Variants in PCDH9 observed in about 807,000 individuals in gnomAD.
PCDH9 encodes protocadherin 9.
In PCDH9, 24 loss-of-function variants were observed where a neutral mutation model predicts 70.6. That is an observed-to-expected ratio of 0.34 (90% confidence interval 0.25 to 0.48). PCDH9 has a LOEUF of 0.48. PCDH9 is among the 20% of genes least tolerant of loss of function. The pLI, the probability that PCDH9 is intolerant of heterozygous loss-of-function variation, is 0.99. For synonymous variants in PCDH9, 562 were observed against 558.5 expected (o/e 1.01, Z -0.09); for missense variants, 1,281 against 1,503.6 (o/e 0.85, Z 2.45).
chr13:67,180,385 C>T (rs1407663926), intron 2 of PCDH9, among the ~76,000 whole-genome samples: 1 of 151,826 alleles, frequency 6.6e-6, no homozygotes, highest in Admixed American at 6.6e-5. Context: ...TGAGTCAAAG[C>T]TTTTATTATC....
rs74093409 is a variant in PCDH9 at position 67,173,627 on chromosome 13, C to T, written c.3036+51778G>A. On this transcript the variant is annotated intron_variant, in intron 2 of 4. Transcript: ENST00000377865. Reference sequence around the variant, plus strand: ...GCCTCTGGTATACACTTCAGTTCGACAGAGAAAAATTTTAACTACACTTGA... The same window carrying T: ...GCCTCTGGTATACACTTCAGTTCGATAGAGAAAAATTTTAACTACACTTGA... Among the ~76,000 whole-genome samples, 1,028 of 152,136 alleles carry T rather than the reference C, an allele frequency of 6.8e-3. 13 individuals carry two copies. The highest frequency in any genetic ancestry group is 0.023 in the African/African-American group (968 of 41,506).
At chr13:66,826,075 G>A (rs2080819263) in intron 3 of PCDH9, among the ~76,000 whole-genome samples, 1 of 152,014 alleles carries the variant, frequency 6.6e-6, no homozygotes, top group African/African-American at 2.4e-5. Context: ...ACTACCCAAA[G>A]AATGAATATA....
In PCDH9 at chr13:66,771,782, T is replaced by C. The variant is rs9529138; in HGVS notation, c.3138+131722A>G. Among the ~76,000 whole-genome samples the C allele has an allele frequency of 4.6e-5, 7 of 152,262 alleles. No individual in the cohort carries two copies. The East Asian group carries it at 1.4e-3, about 29-fold the overall frequency. ...CAATTCTCAGTTTTCCAATTATAAA[T>C]GAGACTTATAAAATTTTCCCCATGG... is the stretch of plus-strand genomic sequence containing the variant. On this transcript the variant is annotated intron_variant, in intron 3 of 4. Transcript: ENST00000377865.
intron 4 of PCDH9, among the ~76,000 whole-genome samples, chr13:66,591,746 C>G (rs191786358): frequency 4.6e-5 from 7 of 151,100 alleles, no homozygotes; most frequent in African/African-American, 1.7e-4. Context: ...ATTTAAAATA[C>G]TGAAATAGTA....
At chr13:66,355,852 A>C (rs1444250396) in intron 4 of PCDH9, among the ~76,000 whole-genome samples, 3 of 152,152 alleles carry the variant, frequency 2.0e-5, no homozygotes, top group African/African-American at 7.2e-5. Context: ...GAAAAGAACA[A>C]GAATTGACAA....
At chr13:66,445,495 CATATATA>C (rs1566330735) in intron 4 of PCDH9, among the ~76,000 whole-genome samples, 3 of 140,812 alleles carry the variant, frequency 2.1e-5, no homozygotes, top group African/African-American at 8.0e-5. Context: ...AATATATACA[CATATATA>C]ATATATACAC....
intron 4 of PCDH9, among the ~76,000 whole-genome samples, chr13:66,451,734 A>T (rs1192708290): frequency 1.3e-5 from 2 of 152,226 alleles, no homozygotes; most frequent in African/African-American, 4.8e-5. Context: ...CTATCTAGCT[A>T]TCTGGCAAAG....
At chr13:66,996,782 T>A (rs1331612791) in intron 2 of PCDH9, among the ~76,000 whole-genome samples, 1 of 152,210 alleles carries the variant, frequency 6.6e-6, no homozygotes, top group African/African-American at 2.4e-5. Flanking sequence ...TCTGGTTTCT[T>A]GCAGAATCGT....
At chr13:66,923,635 T>G (rs1026933165) in intron 2 of PCDH9, among the ~76,000 whole-genome samples, 3 of 151,676 alleles carry the variant, frequency 2.0e-5, no homozygotes, top group Admixed American at 6.6e-5. Context: ...CACCAACGTC[T>G]TAATTTTAAT....
intron 3 of PCDH9, among the ~76,000 whole-genome samples, chr13:66,844,411 C>A (rs7982600): frequency 6.6e-6 from 1 of 151,768 alleles, no homozygotes; most frequent in Non-Finnish European, 1.5e-5. Flanking sequence ...ATGGTGAAAT[C>A]CTGTCTCTAC....
chr13:67,023,247 C>T (rs955034773), intron 2 of PCDH9, among the ~76,000 whole-genome samples: 1 of 151,600 alleles, frequency 6.6e-6, no homozygotes, highest in East Asian at 1.9e-4. Flanking sequence ...AAATGATCAA[C>T]ACCTGTTCCA....
intron 2 of PCDH9, 91 bp downstream of exon 2, chr13:67,225,314 A>T: frequency 7.1e-7 from 1 of 1,412,478 alleles, no homozygotes; most frequent in Non-Finnish European, 9.8e-7. Flanking sequence ...AGCTAAAGTT[A>T]GACCAAAACA....
At chr13:67,143,220 T>C (rs571231675) in intron 2 of PCDH9, among the ~76,000 whole-genome samples, 1 of 152,298 alleles carries the variant, frequency 6.6e-6, no homozygotes, top group African/African-American at 2.4e-5. Context: ...TGGTGATTAT[T>C]GTTTTAATAA....
At chr13:66,687,703 C>T (rs1296251403) in intron 3 of PCDH9, among the ~76,000 whole-genome samples, 1 of 152,062 alleles carries the variant, frequency 6.6e-6, no homozygotes, top group Non-Finnish European at 1.5e-5. Flanking sequence ...ATTTTTACCC[C>T]TTACTCCCTA....
chr13:66,927,909 T>C (rs943310729), intron 2 of PCDH9, among the ~76,000 whole-genome samples: 5 of 152,090 alleles, frequency 3.3e-5, no homozygotes, highest in African/African-American at 7.2e-5. Flanking sequence ...ACCTACTGAA[T>C]ACACATTTGT....
intron 3 of PCDH9, among the ~76,000 whole-genome samples, chr13:66,731,525 TTATC>T (rs1423167707): frequency 6.6e-6 from 1 of 152,062 alleles, no homozygotes; most frequent in Non-Finnish European, 1.5e-5. Flanking sequence ...AAAATGAAAA[TTATC>T]TATATGGTAT....
intron 3 of PCDH9, among the ~76,000 whole-genome samples, chr13:66,756,194 T>C (rs2079535941): frequency 6.6e-6 from 1 of 152,178 alleles, no homozygotes; most frequent in Non-Finnish European, 1.5e-5. Context: ...AAAAAGCTTT[T>C]AAATTCAGAA....
chr13:66,340,586 C>G (rs756172526), intron 4 of PCDH9, among the ~76,000 whole-genome samples: 1 of 152,154 alleles, frequency 6.6e-6, no homozygotes, highest in Non-Finnish European at 1.5e-5. Context: ...CAAATATGTG[C>G]CACTTCACAC....
rs561026848 is a variant in PCDH9, at chr13:66,312,784, C to T, written c.3341-7756G>A. On this transcript the variant is annotated intron_variant, in intron 4 of 4. Coordinates refer to ENST00000377865, the MANE Select transcript of PCDH9 (RefSeq NM_203487.3). ...AGTAACCTTGAGAAACAAACGCACA[C>T]GAATCCACACCACCAGGATTGGACA... is the stretch of plus-strand genomic sequence containing the variant. Among the ~76,000 whole-genome samples the T allele has an allele frequency of 5.7e-4, 87 of 152,062 alleles. 3 individuals are homozygous for T. In the South Asian group the frequency reaches 0.017, roughly 30 times the overall value.
Sources: allele counts gnomAD v4.1 joint callset (sites outside exome capture counted in the v4.1 genomes callset), GRCh38; gene constraint gnomAD v4.1.1; transcripts MANE v1.5; gene names NCBI Gene and HGNC (gene_info 2026-07-23, HGNC 2026-07-21).